SLAMF6: variants seen among roughly 807,000 people sequenced by gnomAD.
The protein encoded by SLAMF6 is SLAM family member 6.
Under a neutral mutation model 38.3 loss-of-function variants are expected in SLAMF6, and 21 were observed. That is an observed-to-expected ratio of 0.55 (90% CI 0.39 to 0.79). SLAMF6 has a LOEUF of 0.79. Ranked by LOEUF, SLAMF6 falls within the 30% of genes least tolerant of loss-of-function variation. The pLI, the probability that SLAMF6 is intolerant of heterozygous loss-of-function variation, is 0.00. For synonymous variants in SLAMF6, 152 were observed against 146.3 expected (o/e 1.04, Z -0.28); for missense variants, 341 against 385.3 (o/e 0.89, Z 0.96).
At chr1:160,493,287 G>C (rs114798235) in intron 2 of SLAMF6, among the ~76,000 whole-genome samples, 1 of 151,970 alleles carries the variant, frequency 6.6e-6, no homozygotes, top group Admixed American at 6.6e-5. Context: ...AGTTATCTGC[G>C]TGGCACACTT....
intron 1 of SLAMF6, 84 bp from the exon 2 acceptor site, chr1:160,496,477 G>T (rs1653588816): frequency 1.5e-6 from 2 of 1,346,650 alleles, no homozygotes; most frequent in African/African-American, 1.5e-5. Context: ...AACGCTGCCA[G>T]TCTGTTAGAG....
At chr1:160,517,643 A>G (rs1654806997) in intron 1 of SLAMF6, among the ~76,000 whole-genome samples, 1 of 152,202 alleles carries the variant, frequency 6.6e-6, no homozygotes, top group South Asian at 2.1e-4. Context: ...GAAAATGTGG[A>G]ACATATACAC....
chr1:160,510,327 A>T (rs765504528), intron 1 of SLAMF6, among the ~76,000 whole-genome samples: 4 of 152,164 alleles, frequency 2.6e-5, no homozygotes, highest in Non-Finnish European at 4.4e-5. Context: ...ATGAATATTG[A>T]TGCAAAAACT....
rs553775600 is a variant in SLAMF6 at position 160,488,106 on chromosome 1, C to A, written c.880-931G>T. Among the ~76,000 whole-genome samples the A allele has an allele frequency of 2.2e-4, 33 of 148,242 alleles. No homozygotes were observed. In the Middle Eastern group the frequency reaches 0.028, roughly 127 times the overall value. Reference sequence around the variant, plus strand: ...ACTCTGTCTCAAAAAAAAAAAAAAACCAAAAAACAAAAAACAAACCAACAA... The same window carrying A: ...ACTCTGTCTCAAAAAAAAAAAAAAAACAAAAAACAAAAAACAAACCAACAA... On this transcript the variant is annotated intron_variant, in intron 6 of 7. Transcript: ENST00000368057.
At chr1:160,516,323 A>T (rs944032269) in intron 1 of SLAMF6, among the ~76,000 whole-genome samples, 5 of 152,196 alleles carry the variant, frequency 3.3e-5, no homozygotes. Flanking sequence ...TTCAAAAAGA[A>T]CTACAAACCA....
chr1:160,513,503 A>T (rs996454100), intron 1 of SLAMF6, among the ~76,000 whole-genome samples: 8 of 152,196 alleles, frequency 5.3e-5, no homozygotes, highest in Non-Finnish European at 1.2e-4. Context: ...AACTCAAGAA[A>T]TACAAAGAAC....
chr1:160,506,340 T>C (rs564891692), intron 1 of SLAMF6, among the ~76,000 whole-genome samples: 1 of 152,230 alleles, frequency 6.6e-6, no homozygotes, highest in East Asian at 1.9e-4. Flanking sequence ...GAATCCATGA[T>C]TGCCAGGAGG....
intron 1 of SLAMF6, among the ~76,000 whole-genome samples, chr1:160,501,432 C>G (rs1251137382): frequency 6.6e-6 from 1 of 152,158 alleles, no homozygotes; most frequent in Non-Finnish European, 1.5e-5. Flanking sequence ...AGATTATTTT[C>G]TTTTCTTTTC....
At chr1:160,511,822 T>C (rs766824518) in intron 1 of SLAMF6, among the ~76,000 whole-genome samples, 5 of 151,898 alleles carry the variant, frequency 3.3e-5, no homozygotes, top group South Asian at 2.1e-4. Context: ...GGCTCACTCA[T>C]TGGGACTGAC....
intron 1 of SLAMF6, among the ~76,000 whole-genome samples, chr1:160,497,748 C>T (rs1653666621): frequency 6.6e-6 from 1 of 152,078 alleles, no homozygotes; most frequent in South Asian, 2.1e-4. Flanking sequence ...TTTTCTGTTC[C>T]TGTGTTGGTG....
At chr1:160,513,997 G>T (rs527803066) in intron 1 of SLAMF6, among the ~76,000 whole-genome samples, 2 of 152,224 alleles carry the variant, frequency 1.3e-5, no homozygotes, top group African/African-American at 4.8e-5. Context: ...ATGATGACAG[G>T]ATCAAATTCA....
chr1:160,519,517 G>T (rs532583949), intron 1 of SLAMF6, among the ~76,000 whole-genome samples: 1 of 152,068 alleles, frequency 6.6e-6, no homozygotes, highest in African/African-American at 2.4e-5. Context: ...AGCACTATTC[G>T]CAAGAGCCAA....
chr1:160,513,231 T>C (rs1030505499), intron 1 of SLAMF6, among the ~76,000 whole-genome samples: 1 of 152,068 alleles, frequency 6.6e-6, no homozygotes, highest in Admixed American at 6.6e-5. Context: ...TAAGTATCAA[T>C]AGCCGAATAG....
chr1:160,495,394 T>A (rs1437394868), intron 2 of SLAMF6, among the ~76,000 whole-genome samples: 1 of 152,252 alleles, frequency 6.6e-6, no homozygotes, highest in Non-Finnish European at 1.5e-5. Flanking sequence ...CATAATTTTA[T>A]GTTGATAACA....
chr1:160,502,847 C>A (rs1653981577), intron 1 of SLAMF6, among the ~76,000 whole-genome samples: 1 of 151,916 alleles, frequency 6.6e-6, no homozygotes, highest in Non-Finnish European at 1.5e-5. Context: ...GCTGATTTCT[C>A]AAGAGAATTT....
chr1:160,496,223 C>T lies in SLAMF6; in HGVS notation c.220G>A (p.Glu74Lys), dbSNP rs1163448098. Reference sequence around the variant, plus strand: ...TGTTTCGGATTAGTCACGTGGATTTCTGGACTTTTGGTTTCATGGGGTACT... The same window carrying T: ...TGTTTCGGATTAGTCACGTGGATTTTTGGACTTTTGGTTTCATGGGGTACT... ...FIVPHETKSP[E>K]IHVTNPKQGK... The change falls in exon 2 of 8, where the codon GAA (glutamate) becomes AAA (lysine). Residue 74 changes from glutamate to lysine, a missense_variant. By Grantham distance (56) the Glu-to-Lys change is moderately conservative. Coordinates refer to ENST00000368057, the MANE Select transcript of SLAMF6 (RefSeq NM_001184714.2). 6.2e-7 allele frequency: 1 copy of T among 1,613,892 alleles called. No homozygotes were observed. The highest frequency in any genetic ancestry group is 1.1e-5 in the South Asian group (1 of 91,078).
intron 1 of SLAMF6, among the ~76,000 whole-genome samples, chr1:160,507,672 A>G (rs766250915): frequency 1.8e-4 from 27 of 152,298 alleles, no homozygotes; most frequent in South Asian, 8.3e-4. Flanking sequence ...ATTATAAAAG[A>G]CTTAAATATA....
chr1:160,502,140 G>A, intron 1 of SLAMF6, among the ~76,000 whole-genome samples: 1 of 152,156 alleles, frequency 6.6e-6, no homozygotes, highest in East Asian at 1.9e-4. Context: ...TGCTTTGGGA[G>A]CATCCGGGAC....
At chr1:160,498,668 A>G (rs565466851) in intron 1 of SLAMF6, among the ~76,000 whole-genome samples, 1 of 152,154 alleles carries the variant, frequency 6.6e-6, no homozygotes, top group Non-Finnish European at 1.5e-5. Flanking sequence ...GTTCAAGATG[A>G]GATTTGGGTG....
Sources: gnomAD v4.1 joint callset for allele counts (sites outside exome capture counted in the v4.1 genomes callset) on GRCh38, gnomAD v4.1.1 for gene constraint, MANE v1.5 for transcripts, NCBI Gene and HGNC (gene_info 2026-07-23, HGNC 2026-07-21) for gene names.